The following MUC5B variants were observed in gnomAD, a reference collection of about 807,000 sequenced individuals.
MUC5B encodes mucin 5B, oligomeric mucus/gel-forming.
Under a neutral mutation model 376.9 loss-of-function variants are expected in MUC5B, and 116 were observed. The observed-to-expected ratio is 0.31, with a 90% confidence interval of 0.26 to 0.36. The LOEUF is 0.36. Ranked by LOEUF, MUC5B falls within the 10% of genes least tolerant of loss-of-function variation. MUC5B has a pLI of 1.00. For missense variants in MUC5B, 7,165 were observed against 7,769.9 expected, an observed-to-expected ratio of 0.92 and a Z score of 2.93; for synonymous variants, 3,517 against 3,390.9, an observed-to-expected ratio of 1.04 and a Z score of -1.29.
At position 1,250,366 on chromosome 11, in the gene MUC5B, A is replaced by T; in HGVS notation, c.13486A>T (p.Thr4496Ser). Residue 4496 changes from threonine (T) to serine (S), a missense_variant, in exon 31 of 49, where the codon ACT (threonine) becomes TCT (serine). Around this residue, in one of 31 missense-constraint regions of MUC5B, gnomAD observed 431 missense variants for 390.4 expected, o/e 1.10. Transcript: ENST00000529681. The stretch of plus-strand genomic sequence containing the variant: ...ACCCACAGTCACCAGCTCCAAAGCC[A>T]CTCCCTCCTCCAGTCCAGGGACTGC... ...TTPTVTSSKA[T>S]PSSSPGTATA... 6.2e-7 allele frequency: 1 copy of T among 1,612,808 alleles called. No individual in the cohort carries two copies. The highest frequency in any genetic ancestry group is 8.5e-7 in the Non-Finnish European group (1 of 1,179,520).
Position 1,232,256 on chromosome 11 carries a change from G to A in MUC5B, c.1843+96G>A, listed in dbSNP as rs1862044701. ...CCACGGGGACCCCTGGGTGGGATTGGGGACCCCATGGAGGCAGGTGGGAGG... is the reference window on the plus strand; with the variant it reads ...CCACGGGGACCCCTGGGTGGGATTGAGGACCCCATGGAGGCAGGTGGGAGG... On this transcript the variant is annotated intron_variant, in intron 15 of 48. Coordinates refer to ENST00000529681, the MANE Select transcript of MUC5B (RefSeq NM_002458.3). The A allele has an allele frequency of 7.7e-6, 11 of 1,432,954 alleles. No individual in the cohort carries two copies. The South Asian group carries it at 1.3e-4, about 16-fold the overall frequency. 88.8% of individuals were successfully genotyped at this position (1,432,954 alleles called of 1,614,324 possible).
At position 1,252,439 on chromosome 11, in the gene MUC5B, C is replaced by G; in HGVS notation, c.14960C>G (p.Pro4987Arg). ...ATTGACCGCTTCCAGGGCGCCTGTC[C>G]CACCTCCCCACCGCCAGTGTCCTCC... is the stretch of plus-strand genomic sequence containing the variant. ...CDIDRFQGAC[P>R]TSPPPVSSAP... Residue 4987 changes from proline to arginine, a missense_variant, in exon 32 of 49, where the codon CCC becomes CGC. This residue lies in a region of MUC5B where 730 missense variants were observed against 592.7 expected (regional missense o/e 1.23). Transcript: ENST00000529681. 1 of 1,610,874 alleles carries G rather than the reference C, an allele frequency of 6.2e-7. No individual in the cohort carries two copies.
At position 1,252,547 on chromosome 11, in the gene MUC5B, C is replaced by G. The variant is rs560849465; in HGVS notation, c.15045+23C>G. ...CAGGTGGGCCCCGCCTGCCCTCCAC[C>G]TCCCGTGCTGCGTGCACACGGTCTG... On this transcript the variant is annotated intron_variant, in intron 32 of 48. Transcript: ENST00000529681. 37 of 1,519,266 alleles carry G rather than the reference C, an allele frequency of 2.4e-5. No individual in the cohort carries two copies. The East Asian group carries it at 8.4e-4, about 34-fold the overall frequency. The allele number at this position is 1,519,266 out of a possible 1,614,324, so 94.1% of individuals were successfully genotyped here. A position where few individuals can be genotyped will look rare whatever the true frequency, so the allele number is the denominator to read the frequency against.
rs369982096 is a variant in MUC5B, at chr11:1,240,997, C to T, written c.4117C>T (p.Pro1373Ser). ...GAGGCAGAGAGGGTACCAGGTATGC[C>T]CTGTGCTGGCTGACATCGAGTGCCG... ...NLRQRGYQVCPVLADIECRAA... is the reference protein window; with the variant it reads ...NLRQRGYQVCSVLADIECRAA... Residue 1373 changes from proline to serine, a missense_variant, in exon 31 of 49, where the codon CCT becomes TCT. Around this residue, in one of 31 missense-constraint regions of MUC5B, gnomAD observed 517 missense variants for 545.3 expected, o/e 0.95. Transcript: ENST00000529681. 4.3e-6 allele frequency: 7 copies of T among 1,613,340 alleles called. No homozygotes were observed. The highest frequency in any genetic ancestry group is 5.1e-6 in the Non-Finnish European group (6 of 1,179,834).
chr11:1,241,988 C>T lies in MUC5B; in HGVS notation c.5108C>T (p.Thr1703Met), dbSNP rs746073952. Residue 1703 changes from threonine to methionine, a missense_variant, in exon 31 of 49, where the codon ACG (threonine) becomes ATG (methionine). Physicochemically the swap from Thr to Met is moderately conservative, Grantham distance 81. Transcript: ENST00000529681. ...ACACGCTCAGCCCTTCCAGGGACGACGGGGAGCTTGGGCACATGGCGCCCC... is the reference window on the plus strand; with the variant it reads ...ACACGCTCAGCCCTTCCAGGGACGATGGGGAGCTTGGGCACATGGCGCCCC... The part of the protein sequence containing the change: ...LPTRSALPGT[T>M]GSLGTWRPSQ... 67 of 1,592,398 alleles carry T rather than the reference C, an allele frequency of 4.2e-5. No individual in the cohort carries two copies. The highest frequency in any genetic ancestry group is 1.6e-4 in the African/African-American group (12 of 74,384).
chr11:1,253,053 G>C lies in MUC5B; in HGVS notation c.15217+73G>C, dbSNP rs763589425. Reference sequence around the variant, plus strand: ...GAGTGCACCGTCGGCTAGGCTGGCAGAATGGGGCATGGTGGGGCACAGTGG... The same window carrying C: ...GAGTGCACCGTCGGCTAGGCTGGCACAATGGGGCATGGTGGGGCACAGTGG... On this transcript the variant is annotated intron_variant, in intron 33 of 48. Coordinates refer to ENST00000529681, the MANE Select transcript of MUC5B (RefSeq NM_002458.3). This position sits in a 1 kb window ranked among gnomAD's most constrained non-coding sequence, Gnocchi z 4.3. 3 of 1,456,530 alleles carry C rather than the reference G, an allele frequency of 2.1e-6. 1 individual carries two copies. In the South Asian group the frequency reaches 3.4e-5, roughly 17 times the overall value. The allele number at this position is 1,456,530 out of a possible 1,614,324, so 90.2% of individuals were successfully genotyped here. A position where few individuals can be genotyped will look rare whatever the true frequency, so the allele number is the denominator to read the frequency against.
At position 1,239,784 on chromosome 11, in the gene MUC5B, C is replaced by A; in HGVS notation, c.3584-15C>A. On this transcript the variant is annotated splice_polypyrimidine_tract_variant and intron_variant, in intron 27 of 48. Transcript: ENST00000529681. ...AGGGCCCTGGTGAGTCTTCTGCTCA[C>A]CCTGCCGGCCCTAGGCTGCTACCCG... The A allele has an allele frequency of 6.2e-7, 1 of 1,604,600 alleles. No individual in the cohort carries two copies. The highest frequency in any genetic ancestry group is 1.1e-5 in the South Asian group (1 of 89,464).
Position 1,252,329 on chromosome 11 carries a change from G to C in MUC5B, c.14864-14G>C. The C allele has an allele frequency of 6.5e-7, 1 of 1,534,876 alleles. No individual in the cohort carries two copies. Among genetic ancestry groups the C allele is most frequent in the South Asian group, 1.3e-5 (1 of 78,788 alleles). The stretch of plus-strand genomic sequence containing the variant: ...TGGGAGTGGCTTATCTTTCTATGGT[G>C]TTGTTCTTCACAGGGGAAGTCATCT... On this transcript the variant is annotated splice_polypyrimidine_tract_variant and intron_variant, in intron 31 of 48. Transcript: ENST00000529681.
intron 17 of MUC5B, 84 bp downstream of exon 17, chr11:1,232,854 C>A: frequency 1.3e-6 from 2 of 1,485,986 alleles, no homozygotes; most frequent in Non-Finnish European, 1.8e-6. Context: ...GTCACTCACA[C>A]GGTTCTCAGC....
At position 1,225,585 on chromosome 11, in the gene MUC5B, G is replaced by GCCACAA. The variant is rs1564930393; in HGVS notation, c.71-96_71-95insCCACAA. 4.5e-4 allele frequency: 519 copies of GCCACAA among 1,143,324 alleles called. 5 individuals are homozygous for GCCACAA. The East Asian group carries it at 0.013, about 30-fold the overall frequency. The allele number at this position is 1,143,324 out of a possible 1,614,324, so 70.8% of individuals were successfully genotyped here. ...GACCGCCACCAAGGACCCCACATGC[G>GCCACAA]GCTGCCGCACCAGGGATGTGGCCAG... On this transcript the variant is annotated intron_variant, in intron 1 of 48. Coordinates refer to ENST00000529681, the MANE Select transcript of MUC5B (RefSeq NM_002458.3).
At position 1,247,717 on chromosome 11, in the gene MUC5B, C is replaced by G; in HGVS notation, c.10837C>G (p.Leu3613Val). Residue 3613 changes from leucine to valine, a missense_variant, in exon 31 of 49, where the codon CTG becomes GTG. By Grantham distance (32) the Leu-to-Val change is conservative. This residue lies in a region of MUC5B where 81 missense variants were observed against 154.5 expected (regional missense o/e 0.52). Coordinates refer to ENST00000529681, the MANE Select transcript of MUC5B (RefSeq NM_002458.3). ...CGGAGGGGCAGTCTGTGAGCAGCCC[C>G]TGGGCCTCGAGTGCCGTGCCCAGGC... ...AAGGAVCEQP[L>V]GLECRAQAQP... 1 of 1,600,040 alleles carries G rather than the reference C, an allele frequency of 6.2e-7. No individual in the cohort carries two copies. Among genetic ancestry groups the G allele is most frequent in the African/African-American group, 1.3e-5 (1 of 74,218 alleles).
At position 1,241,597 on chromosome 11, in the gene MUC5B, G is replaced by A. The variant is rs1443099322; in HGVS notation, c.4717G>A (p.Gly1573Ser). ...GAAGGTGCACTGTGACGTCCACTTC[G>A]GCCTGGTGTGCAGGAACTGGGAGCA... ...GQKVHCDVHF[G>S]LVCRNWEQEG... Residue 1573 changes from glycine (G) to serine (S), a missense_variant, in exon 31 of 49, where the codon GGC becomes AGC. Transcript: ENST00000529681. 1.2e-6 allele frequency: 2 copies of A among 1,612,126 alleles called. No homozygotes were observed. The highest frequency in any genetic ancestry group is 1.7e-6 in the Non-Finnish European group (2 of 1,179,342).
rs759763478 is a variant in MUC5B at position 1,246,676 on chromosome 11, A to G, written c.9796A>G (p.Thr3266Ala). Residue 3266 changes from threonine to alanine, a missense_variant, in exon 31 of 49, where the codon ACA becomes GCA. By Grantham distance (58) the Thr-to-Ala change is moderately conservative. This residue lies in a region of MUC5B where 939 missense variants were observed against 770.6 expected (regional missense o/e 1.22). Coordinates refer to ENST00000529681, the MANE Select transcript of MUC5B (RefSeq NM_002458.3). ...TTPTATMSTA[T>A]PSSTPETVHT... ...ACCCACGGCCACCATGTCCACAGCCACACCCTCCTCTACTCCAGAGACTGT... is the reference window on the plus strand; with the variant it reads ...ACCCACGGCCACCATGTCCACAGCCGCACCCTCCTCTACTCCAGAGACTGT... The G allele has an allele frequency of 5.0e-6, 8 of 1,609,820 alleles. No homozygotes were observed. In the East Asian group the frequency reaches 6.7e-5, roughly 14 times the overall value.
Position 1,230,971 on chromosome 11 carries a change from C to T in MUC5B, c.1506C>T (p.Leu502=). 4 of 1,599,656 alleles carry T rather than the reference C, an allele frequency of 2.5e-6. No homozygotes were observed. Among genetic ancestry groups the T allele is most frequent in the Non-Finnish European group, 3.4e-6 (4 of 1,174,492 alleles). The change falls in exon 13 of 49, where the codon CTC becomes CTT. Residue 502 remains leucine (L), a synonymous_variant. Coordinates refer to ENST00000529681, the MANE Select transcript of MUC5B (RefSeq NM_002458.3). ...IRVQADGGVF[L]NSIYTQLPLS... ...TCCAAGCGGACGGCGGCGTGTTCCT[C>T]AACTCCATCTACACGCAGCTGCCCC... is the stretch of plus-strand genomic sequence containing the variant.
chr11:1,246,647 C>T lies in MUC5B; in HGVS notation c.9767C>T (p.Thr3256Ile), dbSNP rs199526061. 551 of 1,613,038 alleles carry T rather than the reference C, an allele frequency of 3.4e-4. 7 individuals are homozygous for T. Among genetic ancestry groups the T allele is most frequent in the Non-Finnish European group, 7.9e-5 (93 of 1,179,416 alleles). The change falls in exon 31 of 49, where the codon ACC (threonine) becomes ATC (isoleucine). Residue 3256 changes from threonine to isoleucine, a missense_variant. Around this residue, in one of 31 missense-constraint regions of MUC5B, gnomAD observed 939 missense variants for 770.6 expected, o/e 1.22. Coordinates refer to ENST00000529681, the MANE Select transcript of MUC5B (RefSeq NM_002458.3). ...GCCTGGACCCGCCTATCACAGACCACCACACCCACGGCCACCATGTCCACA... is the reference window on the plus strand; with the variant it reads ...GCCTGGACCCGCCTATCACAGACCATCACACCCACGGCCACCATGTCCACA... ...GTAWTRLSQTTTPTATMSTAT... is the reference protein window; with the variant it reads ...GTAWTRLSQTITPTATMSTAT...
In MUC5B at chr11:1,255,444, G is replaced by T. The variant is rs780887119; in HGVS notation, c.15952G>T (p.Asp5318Tyr). ...PGPFFNACISDHCRGRLEVPC... is the reference protein window; with the variant it reads ...PGPFFNACISYHCRGRLEVPC... ...CCCATTCTTCAACGCCTGCATCAGC[G>T]ACCACTGCAGGGGCCGCCTTGAGGT... Residue 5318 changes from aspartate to tyrosine, a missense_variant, in exon 37 of 49, where the codon GAC becomes TAC. Asp to Tyr is a radical substitution (Grantham distance 160, BLOSUM62 -3). This residue lies in a region of MUC5B where 842 missense variants were observed against 1,016.9 expected (regional missense o/e 0.83). Coordinates refer to ENST00000529681, the MANE Select transcript of MUC5B (RefSeq NM_002458.3). 1 of 1,602,834 alleles carries T rather than the reference G, an allele frequency of 6.2e-7. No individual in the cohort carries two copies. Among genetic ancestry groups the T allele is most frequent in the Middle Eastern group, 1.7e-4 (1 of 6,034 alleles).
In MUC5B at chr11:1,249,685, C is replaced by T. The variant is rs768450536; in HGVS notation, c.12805C>T (p.Pro4269Ser). 2 of 1,610,510 alleles carry T rather than the reference C, an allele frequency of 1.2e-6. No homozygotes were observed. Among genetic ancestry groups the T allele is most frequent in the Admixed American group, 3.3e-5 (2 of 59,938 alleles). ...TTASTGSTAT[P>S]SSTPGTAPPP... ...TGCATCCACTGGATCCACGGCCACC[C>T]CGTCCTCCACCCCGGGAACAGCTCC... The change falls in exon 31 of 49, where the codon CCG becomes TCG. Residue 4269 changes from proline (P) to serine (S), a missense_variant. By Grantham distance (74) the Pro-to-Ser change is moderately conservative. Coordinates refer to ENST00000529681, the MANE Select transcript of MUC5B (RefSeq NM_002458.3).
chr11:1,238,810 G>C (rs2133820597), intron 25 of MUC5B, 61 bp from the exon 26 acceptor site: 1 of 1,523,656 alleles, frequency 6.6e-7, no homozygotes, highest in Non-Finnish European at 8.9e-7. Flanking sequence ...CCCTGGGCCA[G>C]CCACCCCCTG....
In MUC5B at chr11:1,234,984, G is replaced by T; in HGVS notation, c.2631-101G>T. On this transcript the variant is annotated intron_variant, in intron 21 of 48. Transcript: ENST00000529681. The surrounding 1 kb of genome is among the most constrained non-coding windows in gnomAD (Gnocchi z 6.3). ...GGAGGGGTCAGGCTGGGCCTGGGGA[G>T]GCTGAGGCCCCGTGCTGACCTGCAC... 6.9e-7 allele frequency: 1 copy of T among 1,441,612 alleles called. No homozygotes were observed. Among genetic ancestry groups the T allele is most frequent in the South Asian group, 1.4e-5 (1 of 70,268 alleles). The allele number at this position is 1,441,612 out of a possible 1,614,324, so 89.3% of individuals were successfully genotyped here. A position where few individuals can be genotyped will look rare whatever the true frequency, so the allele number is the denominator to read the frequency against.
Sources: allele counts gnomAD v4.1 joint callset, GRCh38; gene constraint gnomAD v4.1.1; regional missense constraint gnomAD v4.1.1; non-coding constraint Gnocchi (gnomAD v3.1); transcripts MANE v1.5; gene names NCBI Gene and HGNC (gene_info 2026-07-23, HGNC 2026-07-21).